The following MAPK10 variants were observed in gnomAD, a reference collection of about 807,000 sequenced individuals.
The protein encoded by MAPK10 is JNK3 alpha protein kinase.
A neutral mutation model predicts 59.3 loss-of-function variants in MAPK10; 25 were observed. That is an observed-to-expected ratio of 0.42 (90% confidence interval 0.31 to 0.59). MAPK10 has a LOEUF of 0.59. Ranked by LOEUF, MAPK10 falls within the 20% of genes least tolerant of loss-of-function variation. The probability of loss-of-function intolerance (pLI) is 0.15; values close to 1 mark genes in which losing one functional copy is unlikely to be tolerated. For missense variants in MAPK10, 351 were observed against 568.9 expected, an observed-to-expected ratio of 0.62 and a Z score of 3.90; for synonymous variants, 190 against 200.5, an observed-to-expected ratio of 0.95 and a Z score of 0.44.
At chr4:86,198,924 C>A (rs2082005001) in intron 2 of MAPK10, among the ~76,000 whole-genome samples, 1 of 151,690 alleles carries the variant, frequency 6.6e-6, no homozygotes, top group African/African-American at 2.4e-5. Flanking sequence ...TGAAGAATTT[C>A]ATGAAAAAAG....
intron 2 of MAPK10, among the ~76,000 whole-genome samples, chr4:86,265,854 T>G (rs138318804): frequency 1.9e-3 from 282 of 152,284 alleles, no homozygotes; most frequent in African/African-American, 6.4e-3. Context: ...AGTGACAGCA[T>G]GCCACCCATT....
Position 86,089,197 on chromosome 4 carries a change from GA to G in MAPK10, c.802+9326del, listed in dbSNP as rs774604123. On this transcript the variant is annotated intron_variant, in intron 9 of 13. Transcript: ENST00000641462. ...ACCCATAGATACCACTGGCTGCTAA[GA>G]AGGATACGATCAGTGCCAGGAAACA... 3.1e-6 allele frequency: 5 copies of G among 1,606,086 alleles called. No homozygotes were observed. In the South Asian group the frequency reaches 4.5e-5, roughly 14 times the overall value.
In MAPK10 at chr4:86,111,145, T is replaced by C. The variant is rs949504418; in HGVS notation, c.237-3793A>G. ...TTTGGGCTGAGATTATGGTGTTTTC[T>C]AGATATAGGATCATGCCACCTGCAA... On this transcript the variant is annotated intron_variant, in intron 4 of 13. Transcript: ENST00000641462. 1.4e-4 allele frequency among the ~76,000 whole-genome samples: 22 copies of C among 152,214 alleles called. No individual in the cohort carries two copies. The East Asian group carries it at 4.0e-3, about 28-fold the overall frequency.
At chr4:86,539,567 G>A (rs1041919683) in intron 1 of MAPK10, among the ~76,000 whole-genome samples, 1 of 152,192 alleles carries the variant, frequency 6.6e-6, no homozygotes, top group African/African-American at 2.4e-5. Flanking sequence ...CAATACTGAA[G>A]TTAGTTTTTA....
At chr4:86,452,766 G>T (rs1409301413) in intron 1 of MAPK10, among the ~76,000 whole-genome samples, 1 of 152,118 alleles carries the variant, frequency 6.6e-6, no homozygotes, top group Non-Finnish European at 1.5e-5. Context: ...GGCAGGACTG[G>T]ACTGCAGCTC....
At position 86,252,045 on chromosome 4, in the gene MAPK10, T is replaced by G. The variant is rs1212515136; in HGVS notation, c.-6-57638A>C. Among the ~76,000 whole-genome samples the G allele has an allele frequency of 4.2e-5, 5 of 118,768 alleles. 1 individual carries two copies. The highest frequency in any genetic ancestry group is 2.0e-4 in the East Asian group (1 of 5,020). 77.9% of individuals were successfully genotyped at this position (118,768 alleles called of 152,430 possible). ...GTTGTTTTTTTCTTGTAAATTTGTTTGAGTTCATTGTAGCTTCTGGATATT... is the reference window on the plus strand; with the variant it reads ...GTTGTTTTTTTCTTGTAAATTTGTTGGAGTTCATTGTAGCTTCTGGATATT... On this transcript the variant is annotated intron_variant, in intron 2 of 13. Coordinates refer to ENST00000641462, the MANE Select transcript of MAPK10 (RefSeq NM_138982.4).
chr4:86,071,128 T>C, intron 9 of MAPK10, among the ~76,000 whole-genome samples: 1 of 152,042 alleles, frequency 6.6e-6, no homozygotes, highest in Non-Finnish European at 1.5e-5. Context: ...TGATTTGCAT[T>C]TCTCTGATGG....
At chr4:86,262,701 A>C (rs1170483534) in intron 2 of MAPK10, among the ~76,000 whole-genome samples, 6 of 152,224 alleles carry the variant, frequency 3.9e-5, no homozygotes, top group Non-Finnish European at 8.8e-5. Flanking sequence ...CAGTGAAAAA[A>C]GGAAGCTAGA....
chr4:86,511,917 A>G (rs1004347613), intron 1 of MAPK10, among the ~76,000 whole-genome samples: 1 of 151,992 alleles, frequency 6.6e-6, no homozygotes, highest in Non-Finnish European at 1.5e-5. Flanking sequence ...GGAGGAAGGA[A>G]AAAGAAGAAG....
intron 2 of MAPK10, among the ~76,000 whole-genome samples, chr4:86,280,599 T>C (rs796266198): frequency 2.5e-4 from 38 of 152,232 alleles, no homozygotes; most frequent in African/African-American, 8.2e-4. Flanking sequence ...ACTGGGTATA[T>C]ACCCAGTGGA....
In MAPK10 at chr4:86,581,676, T is replaced by TTGTGTGTGTG. The variant is rs56210798; in HGVS notation, c.-263+12224_-263+12233dup. ...CTAAGCTATCTTTTTTTTTCAGTTATTGTGTGTGTGTGTGTGTGTGTGTGT... is the reference window on the plus strand; with the variant it reads ...CTAAGCTATCTTTTTTTTTCAGTTATTGTGTGTGTGTGTGTGTGTGTGTGTGTGTGTGTGT... On this transcript the variant is annotated intron_variant, in intron 1 of 4. Coordinates refer to the MAPK10 transcript ENST00000502302. Among the ~76,000 whole-genome samples the TTGTGTGTGTG allele has an allele frequency of 2.8e-4, 38 of 136,864 alleles. 1 individual carries two copies. Among genetic ancestry groups the TTGTGTGTGTG allele is most frequent in the African/African-American group, 9.1e-4 (34 of 37,212 alleles). The allele number at this position is 136,864 out of a possible 152,430, so 89.8% of individuals were successfully genotyped here.
chr4:86,372,185 C>T (rs1302762881), intron 1 of MAPK10, among the ~76,000 whole-genome samples: 2 of 152,154 alleles, frequency 1.3e-5, no homozygotes, highest in Non-Finnish European at 2.9e-5. Context: ...CAAACAGTCT[C>T]TCAGACCACA....
chr4:86,297,995 G>C (rs2095400969), intron 2 of MAPK10, among the ~76,000 whole-genome samples: 2 of 152,136 alleles, frequency 1.3e-5, no homozygotes, highest in Admixed American at 6.5e-5. Flanking sequence ...TTGTGCTTCT[G>C]TGTGTTTCCA....
rs186687409 is a variant in MAPK10, at chr4:86,191,703, T to C, written c.66+2633A>G. 44 of 151,734 alleles carry C rather than the reference T, an allele frequency of 2.9e-4. No individual in the cohort carries two copies. In the East Asian group the frequency reaches 8.0e-3, roughly 28 times the overall value. The allele number at this position is 151,734 out of a possible 1,614,324, so 9.4% of individuals were successfully genotyped here. A position where few individuals can be genotyped will look rare whatever the true frequency, so the allele number is the denominator to read the frequency against. ...ACAGCACACCGACGGGTCTTGACTC[T>C]ATCCAATTTTAACTCAATCCAATTT... On this transcript the variant is annotated intron_variant, in intron 3 of 13. Coordinates refer to ENST00000641462, the MANE Select transcript of MAPK10 (RefSeq NM_138982.4).
chr4:86,507,675 A>G (rs1354145531), intron 1 of MAPK10, among the ~76,000 whole-genome samples: 1 of 79,794 alleles, frequency 1.3e-5, no homozygotes, highest in Non-Finnish European at 2.5e-5. Context: ...TATATATAAA[A>G]TCATGTGTAA....
At chr4:86,198,710 AT>A (rs2081957174) in intron 2 of MAPK10, among the ~76,000 whole-genome samples, 1 of 151,760 alleles carries the variant, frequency 6.6e-6, no homozygotes, top group African/African-American at 2.4e-5. Flanking sequence ...GCTTTGAAAA[AT>A]ATATTAATAA....
intron 3 of MAPK10, chr4:86,192,502 A>T (rs2080176809): frequency 6.6e-6 from 1 of 151,752 alleles, no homozygotes; most frequent in Admixed American, 6.6e-5. Context: ...TCTTGTCTTC[A>T]CACTTTATTT....
intron 3 of MAPK10, chr4:86,192,367 T>A (rs2080136554): frequency 6.6e-6 from 1 of 152,162 alleles, no homozygotes; most frequent in Non-Finnish European, 1.5e-5. Context: ...AAAGAGTGTT[T>A]TTCAACTTGG....
chr4:86,534,892 C>T (rs1037187385), intron 1 of MAPK10, among the ~76,000 whole-genome samples: 5 of 151,804 alleles, frequency 3.3e-5, no homozygotes, highest in Middle Eastern at 3.2e-3. Context: ...GGTGGCAGAG[C>T]GAGACTCTGT....
Sources: allele counts gnomAD v4.1 joint callset (sites outside exome capture counted in the v4.1 genomes callset), GRCh38; gene constraint gnomAD v4.1.1; transcripts MANE v1.5; gene names NCBI Gene and HGNC (gene_info 2026-07-23, HGNC 2026-07-21).